The following LRP1B variants were observed in gnomAD, a reference collection of about 807,000 sequenced individuals.
LRP1B encodes LDL receptor related protein 1B.
A neutral mutation model predicts 556.6 loss-of-function variants in LRP1B; 217 were observed. That is an observed-to-expected ratio of 0.39 (90% CI 0.35 to 0.44). LRP1B has a LOEUF of 0.44. Among genes scored for constraint, LRP1B ranks in the 20% least tolerant of loss-of-function variants. The probability of loss-of-function intolerance (pLI) is 1.00; values close to 1 mark genes in which losing one functional copy is unlikely to be tolerated. For missense variants in LRP1B, 5,053 were observed against 5,620.8 expected, an observed-to-expected ratio of 0.90 and a Z score of 3.23; for synonymous variants, 2,047 against 1,865.8, an observed-to-expected ratio of 1.10 and a Z score of -2.50.
At chr2:140,511,559 C>T (rs1293438457) in intron 51 of LRP1B, among the ~76,000 whole-genome samples, 1 of 152,072 alleles carries the variant, frequency 6.6e-6, no homozygotes, top group Non-Finnish European at 1.5e-5. Context: ...CCTCGGTCTC[C>T]CAAAGTGCTG....
intron 3 of LRP1B, among the ~76,000 whole-genome samples, chr2:141,464,606 A>ATATATATATATTTTTTTTTTTTTTTT: frequency 5.5e-5 from 5 of 90,540 alleles, no homozygotes; most frequent in African/African-American, 2.1e-4. Context: ...ATATATATAT[A>ATATATATATATTTTTTTTTTTTTTTT]TTTTTTTAGT....
chr2:141,045,080 C>T (rs1185897709), intron 11 of LRP1B, among the ~76,000 whole-genome samples: 4 of 148,614 alleles, frequency 2.7e-5, no homozygotes, highest in Non-Finnish European at 6.0e-5. Context: ...CCACGGAATA[C>T]TATGCAGCCA....
rs535879031 is a variant in LRP1B at position 140,479,383 on chromosome 2, C to T, written c.9426-4046G>A. Among the ~76,000 whole-genome samples the T allele has an allele frequency of 2.0e-5, 3 of 152,182 alleles. No individual in the cohort carries two copies. In the South Asian group the frequency reaches 6.2e-4, roughly 32 times the overall value. On this transcript the variant is annotated intron_variant, in intron 59 of 90. Transcript: ENST00000389484. ...ATGTTGAAAGAAGAGATCTAAATTG[C>T]ACCCAGATAATATGCAATGTTTACC...
At chr2:140,668,144 C>T (rs1449185470) in intron 41 of LRP1B, among the ~76,000 whole-genome samples, 1 of 151,764 alleles carries the variant, frequency 6.6e-6, no homozygotes, top group Non-Finnish European at 1.5e-5. Context: ...AACCCCGTCT[C>T]TACTAAAAAT....
chr2:141,241,510 T>C (rs573140885), intron 5 of LRP1B, among the ~76,000 whole-genome samples: 1 of 152,178 alleles, frequency 6.6e-6, no homozygotes, highest in East Asian at 1.9e-4. Context: ...GCCAATACTA[T>C]ACCAAAGCTA....
intron 32 of LRP1B, among the ~76,000 whole-genome samples, chr2:140,785,768 A>T (rs988692902): frequency 7.2e-5 from 11 of 152,066 alleles, no homozygotes; most frequent in African/African-American, 2.2e-4. Context: ...ACATTACCAA[A>T]ATAAAATTTA....
chr2:140,506,393 G>A (rs1689413543), intron 53 of LRP1B, among the ~76,000 whole-genome samples: 1 of 151,674 alleles, frequency 6.6e-6, no homozygotes, highest in Non-Finnish European at 1.5e-5. Context: ...TACAGGCATG[G>A]CCACCATGCC....
chr2:142,099,668 A>G (rs989703130), intron 1 of LRP1B, among the ~76,000 whole-genome samples: 1 of 151,904 alleles, frequency 6.6e-6, no homozygotes, highest in African/African-American at 2.4e-5. Context: ...GCCAGACCAA[A>G]TTCTTCTCTT....
intron 71 of LRP1B, among the ~76,000 whole-genome samples, chr2:140,369,587 T>C (rs1682903425): frequency 6.6e-6 from 1 of 151,640 alleles, no homozygotes; most frequent in Admixed American, 6.6e-5. Context: ...CTATTATAAA[T>C]GGCAAATTCA....
At chr2:140,843,104 T>G (rs1692170699) in intron 29 of LRP1B, among the ~76,000 whole-genome samples, 11 of 86,882 alleles carry the variant, frequency 1.3e-4, no homozygotes, top group African/African-American at 3.4e-4. Context: ...TTTTTTGTTT[T>G]TTTTTTGGTG....
chr2:140,478,172 A>G (rs1688051606), intron 59 of LRP1B, among the ~76,000 whole-genome samples: 1 of 126,512 alleles, frequency 7.9e-6, no homozygotes, highest in African/African-American at 3.0e-5. Flanking sequence ...TTTTTTGAGA[A>G]GGAGCCTCGC....
intron 2 of LRP1B, among the ~76,000 whole-genome samples, chr2:141,656,865 T>C (rs919390037): frequency 1.3e-5 from 2 of 152,112 alleles, no homozygotes; most frequent in African/African-American, 4.8e-5. Flanking sequence ...TTTAGCTACA[T>C]AGTTTTAATA....
intron 7 of LRP1B, among the ~76,000 whole-genome samples, chr2:141,069,602 G>C (rs1044014553): frequency 1.3e-5 from 2 of 151,908 alleles, no homozygotes; most frequent in Non-Finnish European, 2.9e-5. Context: ...GAACCACTTG[G>C]TTTATGCCCA....
intron 37 of LRP1B, among the ~76,000 whole-genome samples, 177 bp from the exon 38 acceptor site, chr2:140,702,730 A>C (rs186159863): frequency 2.0e-4 from 30 of 152,240 alleles, no homozygotes; most frequent in African/African-American, 6.5e-4. Flanking sequence ...TTATCGTAAA[A>C]AAATAGTTAA....
At chr2:141,405,589 C>T (rs11686674) in intron 3 of LRP1B, among the ~76,000 whole-genome samples, 8,632 of 152,008 alleles carry the variant, frequency 0.057, 451 homozygotes, top group African/African-American at 0.14. Flanking sequence ...CCAAAATTAT[C>T]AACAAAATGT....
chr2:140,376,591 T>C (rs1683241626), intron 68 of LRP1B, among the ~76,000 whole-genome samples: 1 of 152,204 alleles, frequency 6.6e-6, no homozygotes. Flanking sequence ...AAAAATGTTT[T>C]GACTTTTATT....
chr2:141,315,019 T>C (rs1430902480), intron 3 of LRP1B, among the ~76,000 whole-genome samples: 3 of 149,830 alleles, frequency 2.0e-5, no homozygotes, highest in African/African-American at 7.3e-5. Flanking sequence ...AAAGAAGTGG[T>C]GAAAAATGTT....
intron 11 of LRP1B, among the ~76,000 whole-genome samples, chr2:141,034,230 T>A (rs1163488490): frequency 6.6e-6 from 1 of 152,186 alleles, no homozygotes; most frequent in Non-Finnish European, 1.5e-5. Context: ...ATTAGGAAAT[T>A]CCCATTATTT....
intron 12 of LRP1B, among the ~76,000 whole-genome samples, chr2:141,017,420 T>A (rs1697934777): frequency 6.6e-6 from 1 of 151,600 alleles, no homozygotes; most frequent in African/African-American, 2.4e-5. Flanking sequence ...CAACATGTTT[T>A]TTTTTTCTGT....
Sources: allele counts gnomAD v4.1 joint callset (sites outside exome capture counted in the v4.1 genomes callset), GRCh38; gene constraint gnomAD v4.1.1; transcripts MANE v1.5; gene names NCBI Gene and HGNC (gene_info 2026-07-23, HGNC 2026-07-21).